CCR6: variants seen among roughly 807,000 people sequenced by gnomAD.
CCR6 encodes the protein C-C chemokine receptor type 6.
CCR6 carries 2 observed loss-of-function variants against 3.0 expected under a neutral mutation model. That is an observed-to-expected ratio of 0.66 (90% CI 0.27 to 2.07). CCR6 has a LOEUF of 2.07. Among genes scored for constraint, CCR6 ranks in the 30% most tolerant of loss-of-function variants. The pLI is 0.14. For missense variants in CCR6, 322 were observed against 462.8 expected (o/e 0.70, Z 2.79); for synonymous variants, 193 against 184.3 (o/e 1.05, Z -0.38).
At chr6:167,135,130 C>T (rs1381570879) in intron 1 of CCR6, 2 of 152,300 alleles carry the variant, frequency 1.3e-5, no homozygotes, top group Non-Finnish European at 2.9e-5. Context: ...AGCTGTTTCA[C>T]AAACATACAG....
At position 167,137,630 on chromosome 6, in the gene CCR6, C is replaced by T. The variant is rs1781870349; in HGVS notation, c.*275C>T. 9.8e-6 allele frequency: 3 copies of T among 306,880 alleles called. No individual in the cohort carries two copies. The highest frequency in any genetic ancestry group is 1.8e-5 in the Non-Finnish European group (3 of 166,012). 19.0% of individuals were successfully genotyped at this position (306,880 alleles called of 1,614,324 possible). A position where few individuals can be genotyped will look rare whatever the true frequency, so the allele number is the denominator to read the frequency against. On this transcript the variant is annotated 3_prime_UTR_variant, in exon 3 of 3. Transcript: ENST00000341935. This position sits in a 1 kb window ranked among gnomAD's most constrained non-coding sequence, Gnocchi z 4.6. ...TTCACAAAACAGCCTTTGGGAAATG[C>T]TGAATTAAAGTGAATTGTTGACAAA...
chr6:167,137,342 C>A lies in CCR6; in HGVS notation c.1112C>A (p.Ser371Tyr). ...ACCGCAGATAACGACAATGCGTCGT[C>A]CTTCACTATGTGATAGAAAGCTGAG... is the stretch of plus-strand genomic sequence containing the variant. ...SETADNDNASSFTM is the reference protein window; with the variant it reads ...SETADNDNASYFTM The change falls in exon 3 of 3, where the codon TCC becomes TAC. Residue 371 changes from serine to tyrosine, a missense_variant. Transcript: ENST00000341935. The surrounding 1 kb of genome is among the most constrained non-coding windows in gnomAD (Gnocchi z 4.6). 6.2e-7 allele frequency: 1 copy of A among 1,611,788 alleles called. No homozygotes were observed. The highest frequency in any genetic ancestry group is 8.5e-7 in the Non-Finnish European group (1 of 1,179,368).
At chr6:167,117,535 G>C (rs894447932) in intron 1 of CCR6, among the ~76,000 whole-genome samples, 1 of 145,882 alleles carries the variant, frequency 6.9e-6, no homozygotes, top group Non-Finnish European at 1.5e-5. Context: ...TCCTGCCTCA[G>C]CCTCCCGAGT....
intron 1 of CCR6, among the ~76,000 whole-genome samples, chr6:167,133,932 G>GTGTGTGTGTA (rs1183741225): frequency 9.1e-6 from 1 of 110,340 alleles, no homozygotes; most frequent in Non-Finnish European, 1.7e-5. Flanking sequence ...ATATATGTGT[G>GTGTGTGTGTA]TATATATATA....
At chr6:167,121,940 C>G (rs2114916578), upstream of CCR6, among the ~76,000 whole-genome samples, 1 of 152,246 alleles carries the variant, frequency 6.6e-6, no homozygotes. Flanking sequence ...GGAGGGGACC[C>G]TGGACAAACC....
chr6:167,138,305 A>T lies in CCR6; in HGVS notation c.*950A>T, dbSNP rs1781880623. The T allele has an allele frequency of 9.2e-6, 1 of 108,624 alleles. No individual in the cohort carries two copies. Among genetic ancestry groups the T allele is most frequent in the Non-Finnish European group, 1.9e-5 (1 of 53,068 alleles). 6.7% of individuals were successfully genotyped at this position (108,624 alleles called of 1,614,324 possible). ...GTTTTTAATTTTTTAAATAAATGGA[A>T]TACTTTTTTTTTTTTTTTAAAGAAA... On this transcript the variant is annotated 3_prime_UTR_variant, in exon 3 of 3. Transcript: ENST00000341935.
chr6:167,137,148 C>T lies in CCR6; in HGVS notation c.918C>T (p.Phe306=). The change falls in exon 3 of 3, where the codon TTC becomes TTT. Residue 306 remains phenylalanine (F), a synonymous_variant. Coordinates refer to ENST00000341935, the MANE Select transcript of CCR6 (RefSeq NM_031409.4). The surrounding 1 kb of genome is among the most constrained non-coding windows in gnomAD (Gnocchi z 4.6). ...YTKTVTEVLA[F]LHCCLNPVLY... ...AAACTGTCACAGAAGTCCTGGCTTTCCTGCACTGCTGCCTGAACCCTGTGC... is the reference window on the plus strand; with the variant it reads ...AAACTGTCACAGAAGTCCTGGCTTTTCTGCACTGCTGCCTGAACCCTGTGC... The T allele has an allele frequency of 1.2e-6, 2 of 1,614,150 alleles. No individual in the cohort carries two copies. Among genetic ancestry groups the T allele is most frequent in the South Asian group, 2.2e-5 (2 of 91,084 alleles).
At chr6:167,117,695 G>T (rs931283909) in intron 1 of CCR6, among the ~76,000 whole-genome samples, 1 of 152,064 alleles carries the variant, frequency 6.6e-6, no homozygotes, top group Non-Finnish European at 1.5e-5. Context: ...GATTACAGGC[G>T]TGAGCCACCG....
chr6:167,114,950 G>C (rs1453883008), intron 1 of CCR6: 1 of 152,258 alleles, frequency 6.6e-6, no homozygotes, highest in Non-Finnish European at 1.5e-5. Context: ...AACCTAAAAA[G>C]AATGTGGCTT....
chr6:167,123,503 T>C (rs938714825), intron 1 of CCR6, among the ~76,000 whole-genome samples: 3 of 152,226 alleles, frequency 2.0e-5, no homozygotes, highest in African/African-American at 7.2e-5. Flanking sequence ...ATACAGGAGA[T>C]ATCCTCAGGG....
intron 1 of CCR6, among the ~76,000 whole-genome samples, chr6:167,132,578 T>G (rs893764283): frequency 1.3e-5 from 2 of 152,166 alleles, no homozygotes. Context: ...TCTCTCTCTG[T>G]CACCCAGGCT....
chr6:167,131,782 T>G (rs1480152350), intron 1 of CCR6, among the ~76,000 whole-genome samples: 1 of 152,218 alleles, frequency 6.6e-6, no homozygotes, highest in Non-Finnish European at 1.5e-5. Flanking sequence ...GCACTAAGTG[T>G]CTGTTCCAAC....
At chr6:167,135,380 A>G (rs1378705594) in intron 1 of CCR6, among the ~76,000 whole-genome samples, 4 of 152,204 alleles carry the variant, frequency 2.6e-5, no homozygotes, top group African/African-American at 7.2e-5. Flanking sequence ...TGGAATGTCT[A>G]CTGGAAAGGT....
intron 1 of CCR6, among the ~76,000 whole-genome samples, chr6:167,117,403 C>CTTTTTTTCTTTCTT (rs1781511166): frequency 9.5e-6 from 1 of 105,022 alleles, no homozygotes; most frequent in African/African-American, 3.5e-5. Context: ...ACTCTATTTT[C>CTTTTTTTCTTTCTT]TTTTTTTTTT....
upstream of CCR6, chr6:167,121,039 C>G (rs1414585185): frequency 1.3e-5 from 2 of 152,348 alleles, no homozygotes; most frequent in Non-Finnish European, 2.9e-5. Flanking sequence ...GCAACCAGCC[C>G]AGGCTGGGAG....
Position 167,127,566 on chromosome 6 carries a change from G to A in CCR6, c.-98+4343G>A, listed in dbSNP as rs1373993655. On this transcript the variant is annotated intron_variant, in intron 1 of 2. Coordinates refer to ENST00000341935, the MANE Select transcript of CCR6 (RefSeq NM_031409.4). ...AGCTCCTAAATTGAAGTATGCATTA[G>A]AATAATACAGAGATTGTGTTAATGC... 2.0e-5 allele frequency among the ~76,000 whole-genome samples: 3 copies of A among 152,286 alleles called. No individual in the cohort carries two copies. The East Asian group carries it at 5.8e-4, about 29-fold the overall frequency.
At chr6:167,130,974 CCACCCTCCCTCTGGA>C (rs1562559589) in intron 1 of CCR6, among the ~76,000 whole-genome samples, 26 of 77,194 alleles carry the variant, frequency 3.4e-4, no homozygotes, top group African/African-American at 8.8e-4. Flanking sequence ...CCCTCTGGGA[CCACCCTCCCTCTGGA>C]CCCCCTCCCT....
At chr6:167,118,215 T>C (rs1781531792), upstream of CCR6, among the ~76,000 whole-genome samples, 1 of 152,232 alleles carries the variant, frequency 6.6e-6, no homozygotes, top group African/African-American at 2.4e-5. Flanking sequence ...ACAATCATAA[T>C]TACAAAGCTG....
intron 1 of CCR6, among the ~76,000 whole-genome samples, chr6:167,116,542 C>T (rs1485134150): frequency 6.6e-6 from 1 of 152,206 alleles, no homozygotes; most frequent in Non-Finnish European, 1.5e-5. Flanking sequence ...TGGCTTTTGG[C>T]CAAAGTTTTC....
Sources: gnomAD v4.1 joint callset for allele counts (sites outside exome capture counted in the v4.1 genomes callset) on GRCh38, gnomAD v4.1.1 for gene constraint, Gnocchi (gnomAD v3.1) non-coding constraint, MANE v1.5 for transcripts, NCBI Gene and HGNC (gene_info 2026-07-23, HGNC 2026-07-21) for gene names.